The following ADAMTS9 variants were observed in gnomAD, a reference collection of about 807,000 sequenced individuals.
ADAMTS9 encodes ADAM metallopeptidase with thrombospondin type 1 motif 9.
In ADAMTS9, 107 loss-of-function variants were observed where a neutral mutation model predicts 257.1. The ratio of observed to expected loss-of-function variants is 0.42; its 90% CI spans 0.36 to 0.49. The LOEUF (loss-of-function observed/expected upper bound fraction) is 0.49. Ranked by LOEUF, ADAMTS9 falls within the 20% of genes least tolerant of loss-of-function variation. The probability of loss-of-function intolerance (pLI) is 0.03; values close to 1 mark genes in which losing one functional copy is unlikely to be tolerated. For missense variants in ADAMTS9, 2,353 were observed against 2,469.1 expected, an observed-to-expected ratio of 0.95 and a Z score of 1.00; for synonymous variants, 982 against 880.9, an observed-to-expected ratio of 1.11 and a Z score of -2.03.
intron 8 of ADAMTS9, 137 bp downstream of exon 8, chr3:64,654,216 G>T: frequency 1.2e-6 from 1 of 861,030 alleles, no homozygotes; most frequent in Non-Finnish European, 1.8e-6. Context: ...TAGGTTCAAA[G>T]CTCTTCAACC....
intron 37 of ADAMTS9, among the ~76,000 whole-genome samples, chr3:64,537,688 T>C (rs2083068499): frequency 6.6e-6 from 1 of 152,140 alleles, no homozygotes; most frequent in Non-Finnish European, 1.5e-5. Context: ...TCTGAACGCG[T>C]CACAGAATCC....
chr3:64,596,700 T>C lies in ADAMTS9; in HGVS notation c.4179+130A>G, dbSNP rs1226119015. ...AGTCCAGAATTTAAGAAGACAGGTT[T>C]CCTAGTTAATCCCCACCCCAGAAGC... is the stretch of plus-strand genomic sequence containing the variant. On this transcript the variant is annotated intron_variant, in intron 27 of 39. Coordinates refer to ENST00000498707, the MANE Select transcript of ADAMTS9 (RefSeq NM_182920.2). 3 of 1,082,284 alleles carry C rather than the reference T, an allele frequency of 2.8e-6. No homozygotes were observed. The African/African-American group carries it at 4.8e-5, about 17-fold the overall frequency. 67.0% of individuals were successfully genotyped at this position (1,082,284 alleles called of 1,614,324 possible).
rs748676142 is a variant in ADAMTS9 at position 64,655,879 on chromosome 3, C to T, written c.970-4G>A. ...GGTCTTTATAGATAGAGGCTACCTG[C>T]AACCGAGATAAATTTTTCAAAGTTA... On this transcript the variant is annotated splice_region_variant and splice_polypyrimidine_tract_variant and intron_variant, in intron 4 of 39. Transcript: ENST00000498707. The T allele has an allele frequency of 1.3e-6, 2 of 1,537,128 alleles. No homozygotes were observed. The highest frequency in any genetic ancestry group is 1.7e-6 in the Non-Finnish European group (2 of 1,146,616).
In ADAMTS9 at chr3:64,631,885, C is replaced by A. The variant is rs1434700828; in HGVS notation, c.2216G>T (p.Arg739Ile). The change falls in exon 15 of 40, where the codon AGA (arginine) becomes ATA (isoleucine). Residue 739 changes from arginine (R) to isoleucine (I), a missense_variant. Arg to Ile is a moderately conservative substitution (Grantham distance 97). Transcript: ENST00000498707. ...CDHVLNSKAR[R>I]DKCGVCGGDN... is the part of the protein sequence containing the mutation. ...GCCACCACAAACCCCACATTTATCT[C>A]TCCGGGCTTTTGAGTTTAAAACATG... 1 of 1,613,974 alleles carries A rather than the reference C, an allele frequency of 6.2e-7. No individual in the cohort carries two copies. The highest frequency in any genetic ancestry group is 8.5e-7 in the Non-Finnish European group (1 of 1,179,952).
At position 64,561,538 on chromosome 3, in the gene ADAMTS9, G is replaced by A. The variant is rs2083422761; in HGVS notation, c.4698+40C>T. 6 of 1,589,268 alleles carry A rather than the reference G, an allele frequency of 3.8e-6. No individual in the cohort carries two copies. In the South Asian group the frequency reaches 4.7e-5, roughly 12 times the overall value. On this transcript the variant is annotated intron_variant, in intron 30 of 39. Coordinates refer to ENST00000498707, the MANE Select transcript of ADAMTS9 (RefSeq NM_182920.2). ...TGTGAGGATAGCAAGGGGCGCACAC[G>A]TGAAATGCCTGGCAGGTACCCCTTT...
At chr3:64,575,274 T>C (rs2083810497) in intron 28 of ADAMTS9, among the ~76,000 whole-genome samples, 1 of 152,214 alleles carries the variant, frequency 6.6e-6, no homozygotes, top group Non-Finnish European at 1.5e-5. Context: ...TCTGTCCATC[T>C]ATTTATTTTA....
At chr3:64,539,148 C>T in intron 37 of ADAMTS9, 55 bp downstream of exon 37, 1 of 1,519,912 alleles carries the variant, frequency 6.6e-7, no homozygotes, top group Non-Finnish European at 9.1e-7. Context: ...TGAGGATGTT[C>T]CCGGGAAAGG....
intron 8 of ADAMTS9, among the ~76,000 whole-genome samples, chr3:64,652,973 C>T (rs1490717893): frequency 6.6e-6 from 1 of 152,124 alleles, no homozygotes; most frequent in African/African-American, 2.4e-5. Context: ...AGGCTATGTG[C>T]ATAAGGTATA....
intron 28 of ADAMTS9, among the ~76,000 whole-genome samples, chr3:64,576,074 T>C (rs1314415002): frequency 6.6e-6 from 1 of 152,194 alleles, no homozygotes; most frequent in Non-Finnish European, 1.5e-5. Context: ...ACAGAGCAGT[T>C]ATATACGTTG....
At chr3:64,654,237 A>G (rs1215491933) in intron 8 of ADAMTS9, 116 bp downstream of exon 8, 6 of 1,043,994 alleles carry the variant, frequency 5.7e-6, no homozygotes, top group African/African-American at 1.6e-5. Context: ...CTGCAACTCT[A>G]CTATGACTCG....
chr3:64,622,101 G>C (rs1700122529), intron 18 of ADAMTS9, 97 bp downstream of exon 18: 3 of 1,273,486 alleles, frequency 2.4e-6, no homozygotes, highest in African/African-American at 1.5e-5. Context: ...GCAGATAGAA[G>C]GGTTTGCAGT....
chr3:64,518,011 A>C (rs752105879), intron 39 of ADAMTS9, among the ~76,000 whole-genome samples: 1 of 152,186 alleles, frequency 6.6e-6, no homozygotes, highest in Non-Finnish European at 1.5e-5. Flanking sequence ...ACCTAACCAG[A>C]GCTAAACAGA....
intron 28 of ADAMTS9, among the ~76,000 whole-genome samples, chr3:64,580,202 T>C (rs1576067183): frequency 6.6e-6 from 1 of 152,242 alleles, no homozygotes; most frequent in African/African-American, 2.4e-5. Flanking sequence ...TTCTTTCTTT[T>C]GGCTGGAAAC....
At chr3:64,647,194 A>G (rs566059006) in intron 11 of ADAMTS9, among the ~76,000 whole-genome samples, 2 of 152,242 alleles carry the variant, frequency 1.3e-5, no homozygotes, top group South Asian at 2.1e-4. Context: ...GCCAATTTCC[A>G]TGTGTATTTT....
chr3:64,593,957 TATG>T lies in ADAMTS9; in HGVS notation c.4356+298_4356+300del, dbSNP rs1283888496. ...TAAAATCACTATGTATGTGTGTGTGTATGATGTGTGTGTGTGTGTGTGTGTGTG... is the reference window on the plus strand; with the variant it reads ...TAAAATCACTATGTATGTGTGTGTGTATGTGTGTGTGTGTGTGTGTGTGTG... On this transcript the variant is annotated intron_variant, in intron 28 of 39. Coordinates refer to ENST00000498707, the MANE Select transcript of ADAMTS9 (RefSeq NM_182920.2). Among the ~76,000 whole-genome samples, 236 of 95,604 alleles carry T rather than the reference TATG, an allele frequency of 2.5e-3. 1 individual carries two copies. Among genetic ancestry groups the T allele is most frequent in the African/African-American group, 0.019 (211 of 11,350 alleles). 62.7% of individuals were successfully genotyped at this position (95,604 alleles called of 152,430 possible).
At chr3:64,636,087 T>TG (rs1165664192) in intron 12 of ADAMTS9, among the ~76,000 whole-genome samples, 1 of 35,178 alleles carries the variant, frequency 2.8e-5, no homozygotes, top group Admixed American at 2.8e-4. Context: ...TTTAAATTGA[T>TG]TTTTTTTGTT....
At chr3:64,677,835 C>T (rs1701659296) in intron 3 of ADAMTS9, among the ~76,000 whole-genome samples, 1 of 152,164 alleles carries the variant, frequency 6.6e-6, no homozygotes, top group African/African-American at 2.4e-5. Flanking sequence ...AGAGAAGTTG[C>T]TCAATAAAGA....
In ADAMTS9 at chr3:64,541,410, A is replaced by G. The variant is rs750401655; in HGVS notation, c.5297T>C (p.Phe1766Ser). The G allele has an allele frequency of 1.2e-6, 2 of 1,614,070 alleles. No homozygotes were observed. The highest frequency in any genetic ancestry group is 1.6e-4 in the Middle Eastern group (1 of 6,062). The stretch of plus-strand genomic sequence containing the variant: ...GTGGTCAGAGTGCATCCCCGCACAG[A>G]ATATCTGAAAGACCATAAATAACCC... ...LMIRGKLLKI[F>S]CAGMHSDHPK... Residue 1766 changes from phenylalanine (F) to serine (S), a missense_variant, in exon 35 of 40, where the codon TTC becomes TCC. Transcript: ENST00000498707.
chr3:64,610,507 T>G (rs561462661), intron 22 of ADAMTS9, among the ~76,000 whole-genome samples: 1 of 34,758 alleles, frequency 2.9e-5, no homozygotes, highest in African/African-American at 8.0e-4. Context: ...CAATTCATAT[T>G]TTTTTTTAAA....
Sources: allele counts gnomAD v4.1 joint callset (sites outside exome capture counted in the v4.1 genomes callset), GRCh38; gene constraint gnomAD v4.1.1; transcripts MANE v1.5; gene names NCBI Gene and HGNC (gene_info 2026-07-23, HGNC 2026-07-21).